Variants in KAZN observed in about 807,000 individuals in gnomAD.
The protein encoded by KAZN is kazrin.
KAZN carries 40 observed loss-of-function variants against 87.4 expected under a neutral mutation model. The observed-to-expected ratio is 0.46, with a 90% confidence interval of 0.36 to 0.60. The LOEUF is 0.60. KAZN is among the 20% of genes least tolerant of loss of function. The pLI, the probability that KAZN is intolerant of heterozygous loss-of-function variation, is 0.00. For missense variants in KAZN, 898 were observed against 1,073.9 expected (o/e 0.84, Z 2.29); for synonymous variants, 466 against 458.3 (o/e 1.02, Z -0.22).
chr1:13,972,119 A>T (rs574629901), intron 1 of KAZN, among the ~76,000 whole-genome samples: 1 of 152,352 alleles, frequency 6.6e-6, no homozygotes, highest in South Asian at 2.1e-4. Context: ...GTTAAATCAG[A>T]GTGGAAAAGG....
chr1:14,808,563 G>A (rs1024635444), intron 1 of KAZN, among the ~76,000 whole-genome samples: 2 of 151,850 alleles, frequency 1.3e-5, no homozygotes, highest in Non-Finnish European at 2.9e-5. Flanking sequence ...CTCCTAAAGT[G>A]CTGGGATCAC....
rs1349928198 is a variant in KAZN, at chr1:14,820,344, C to T, written c.227-140340C>T. Among the ~76,000 whole-genome samples the T allele has an allele frequency of 1.3e-5, 2 of 152,210 alleles. No individual in the cohort carries two copies. Among genetic ancestry groups the T allele is most frequent in the Admixed American group, 1.3e-4 (2 of 15,288 alleles). Reference sequence around the variant, plus strand: ...TTAGCCAAGTCATTGCCTCTGTTCCCGGAGCCATCTGCCAATTTCAAGTGC... The same window carrying T: ...TTAGCCAAGTCATTGCCTCTGTTCCTGGAGCCATCTGCCAATTTCAAGTGC... On this transcript the variant is annotated intron_variant, in intron 1 of 14. Transcript: ENST00000376030. The surrounding 1 kb of genome is among the most constrained non-coding windows in gnomAD (Gnocchi z 4.1).
chr1:13,943,490 T>G (rs1382058217), intron 1 of KAZN, among the ~76,000 whole-genome samples: 1 of 152,028 alleles, frequency 6.6e-6, no homozygotes, highest in Non-Finnish European at 1.5e-5. Flanking sequence ...GAATTTCATA[T>G]TTACAGAAAA....
intron 1 of KAZN, among the ~76,000 whole-genome samples, chr1:13,999,234 A>T (rs1360646504): frequency 1.3e-5 from 2 of 152,180 alleles, no homozygotes; most frequent in East Asian, 3.9e-4. Flanking sequence ...CTGTAATCTC[A>T]GCACTCAGGA....
chr1:14,954,480 G>A (rs1662848744), intron 1 of KAZN, among the ~76,000 whole-genome samples: 1 of 152,254 alleles, frequency 6.6e-6, no homozygotes, highest in Non-Finnish European at 1.5e-5. Flanking sequence ...AGCTGTACCA[G>A]ATGCTTAACA....
Position 14,599,293 on chromosome 1 carries a change from G to T in KAZN, c.226+70G>T. The T allele has an allele frequency of 7.9e-7, 1 of 1,272,244 alleles. No homozygotes were observed. Among genetic ancestry groups the T allele is most frequent in the Non-Finnish European group, 9.9e-7 (1 of 1,010,282 alleles). The allele number at this position is 1,272,244 out of a possible 1,614,324, so 78.8% of individuals were successfully genotyped here. On this transcript the variant is annotated intron_variant, in intron 1 of 14. Coordinates refer to ENST00000376030, the MANE Select transcript of KAZN (RefSeq NM_201628.3). The surrounding 1 kb of genome is among the most constrained non-coding windows in gnomAD (Gnocchi z 4.4). ...ACGCCCGGCCTCGGAGGTGGCCGGG[G>T]ACCCGGGGTCCCCCACACCCGGGGC...
At chr1:14,528,337 C>CAAAAAAAAAA (rs33960231) in intron 2 of KAZN, among the ~76,000 whole-genome samples, 2 of 49,330 alleles carry the variant, frequency 4.1e-5, no homozygotes, top group East Asian at 7.6e-4. Flanking sequence ...GACTCCATCT[C>CAAAAAAAAAA]AAAAAAAAAA....
intron 1 of KAZN, among the ~76,000 whole-genome samples, chr1:14,178,903 C>A (rs1222381364): frequency 2.0e-5 from 3 of 152,126 alleles, no homozygotes; most frequent in Non-Finnish European, 4.4e-5. Flanking sequence ...CCTGGAATAG[C>A]CTTTATTCTA....
At chr1:15,091,571 C>T (rs987604058) in intron 8 of KAZN, among the ~76,000 whole-genome samples, 4 of 152,160 alleles carry the variant, frequency 2.6e-5, no homozygotes, top group South Asian at 4.1e-4. Flanking sequence ...AGGACGGTCT[C>T]GATCTTCTGA....
At chr1:14,998,300 CT>C (rs1201837931) in intron 2 of KAZN, among the ~76,000 whole-genome samples, 1 of 152,214 alleles carries the variant, frequency 6.6e-6, no homozygotes, top group African/African-American at 2.4e-5. Context: ...TGGGCCTTCT[CT>C]GCGTCTTCTG....
At chr1:14,170,098 C>T (rs1410336644) in intron 1 of KAZN, among the ~76,000 whole-genome samples, 1 of 151,834 alleles carries the variant, frequency 6.6e-6, no homozygotes, top group Non-Finnish European at 1.5e-5. Flanking sequence ...CACATGCCTG[C>T]CTCACAACTC....
intron 1 of KAZN, among the ~76,000 whole-genome samples, chr1:14,673,286 C>A (rs1401528110): frequency 6.6e-6 from 1 of 152,158 alleles, no homozygotes; most frequent in South Asian, 2.1e-4. Context: ...AGGAACTGAC[C>A]AGGGCTGGCC....
At chr1:14,742,062 C>T (rs1250995432) in intron 1 of KAZN, among the ~76,000 whole-genome samples, 1 of 152,198 alleles carries the variant, frequency 6.6e-6, no homozygotes, top group African/African-American at 2.4e-5. Context: ...GCAAAGATTC[C>T]TCCCCCTTTG....
intron 1 of KAZN, among the ~76,000 whole-genome samples, chr1:14,013,423 G>T (rs141977501): frequency 0.01 from 1,536 of 151,974 alleles, 28 homozygotes; most frequent in African/African-American, 0.035. Context: ...GAGAAACAGG[G>T]TTTTTTTTAA....
At chr1:14,488,740 C>T (rs1036271547) in intron 2 of KAZN, among the ~76,000 whole-genome samples, 5 of 152,182 alleles carry the variant, frequency 3.3e-5, no homozygotes, top group East Asian at 3.9e-4. Context: ...GTAATTCCTG[C>T]GATGTCTGAG....
At chr1:14,451,087 C>T (rs1259291122) in intron 2 of KAZN, among the ~76,000 whole-genome samples, 1 of 152,146 alleles carries the variant, frequency 6.6e-6, no homozygotes, top group East Asian at 1.9e-4. Context: ...GAAGCCTCCC[C>T]AGAAGCTGAG....
chr1:14,940,808 C>CG (rs1660973639), intron 1 of KAZN, among the ~76,000 whole-genome samples: 1 of 146,816 alleles, frequency 6.8e-6, no homozygotes, highest in Non-Finnish European at 1.5e-5. Context: ...GAAATGACTG[C>CG]GGAGTGCTAT....
At chr1:13,973,023 C>T (rs1433554886) in intron 1 of KAZN, among the ~76,000 whole-genome samples, 1 of 152,144 alleles carries the variant, frequency 6.6e-6, no homozygotes, top group Non-Finnish European at 1.5e-5. Context: ...CAAGGGGCTT[C>T]TTTCTTTTTC....
Position 13,950,681 on chromosome 1 carries a change from G to A in KAZN, c.91+56925G>A, listed in dbSNP as rs530552545. On this transcript the variant is annotated intron_variant, in intron 1 of 16. Transcript: ENST00000636203. Reference sequence around the variant, plus strand: ...GCCTGAGCAGACCAGGAGAGGGAAGGGCTGCCTAGAAGGAGCTGCGGCCTG... The same window carrying A: ...GCCTGAGCAGACCAGGAGAGGGAAGAGCTGCCTAGAAGGAGCTGCGGCCTG... Among the ~76,000 whole-genome samples the A allele has an allele frequency of 6.6e-5, 10 of 152,254 alleles. No individual in the cohort carries two copies. The South Asian group carries it at 2.1e-3, about 32-fold the overall frequency.
Sources: gnomAD v4.1 joint callset for allele counts (sites outside exome capture counted in the v4.1 genomes callset) on GRCh38, gnomAD v4.1.1 for gene constraint, Gnocchi (gnomAD v3.1) non-coding constraint, MANE v1.5 for transcripts, NCBI Gene and HGNC (gene_info 2026-07-23, HGNC 2026-07-21) for gene names.